ZNF438: variants seen among roughly 807,000 people sequenced by gnomAD.
ZNF438 encodes zinc finger protein 438.
A neutral mutation model predicts 38.0 loss-of-function variants in ZNF438; 25 were observed. The observed-to-expected ratio is 0.66, with a 90% CI of 0.48 to 0.92. The LOEUF is 0.92. Ranked by LOEUF, ZNF438 falls within the 40% of genes least tolerant of loss-of-function variation. The pLI is 0.00. For synonymous variants in ZNF438, 372 were observed against 364.1 expected (o/e 1.02, Z -0.25); for missense variants, 1,007 against 999.6 (o/e 1.01, Z -0.10).
chr10:30,941,108 G>A (rs2046775551), intron 2 of ZNF438, among the ~76,000 whole-genome samples: 1 of 138,178 alleles, frequency 7.2e-6, no homozygotes, highest in Non-Finnish European at 1.7e-5. Context: ...GTCTCGTTCT[G>A]TTGCCCAGGC....
chr10:30,854,206 G>A (rs1022652600), intron 4 of ZNF438, among the ~76,000 whole-genome samples: 1 of 152,100 alleles, frequency 6.6e-6, no homozygotes, highest in Non-Finnish European at 1.5e-5. Context: ...TGTAGTCCCA[G>A]CTACTCGGGA....
intron 1 of ZNF438, among the ~76,000 whole-genome samples, chr10:31,019,256 C>G (rs977928460): frequency 6.6e-6 from 1 of 152,220 alleles, no homozygotes; most frequent in African/African-American, 2.4e-5. Flanking sequence ...ACCGACAAGT[C>G]TTCACACAAT....
At chr10:30,891,206 C>T (rs949060543) in intron 3 of ZNF438, among the ~76,000 whole-genome samples, 1 of 152,154 alleles carries the variant, frequency 6.6e-6, no homozygotes, top group African/African-American at 2.4e-5. Flanking sequence ...AAGATTTCCT[C>T]ATTTACTTTG....
At chr10:30,973,464 T>C (rs1412945693) in intron 1 of ZNF438, among the ~76,000 whole-genome samples, 1 of 152,232 alleles carries the variant, frequency 6.6e-6, no homozygotes, top group African/African-American at 2.4e-5. Flanking sequence ...TCTGCATCCC[T>C]ACCAGAGCCT....
intron 3 of ZNF438, among the ~76,000 whole-genome samples, chr10:30,891,437 C>T (rs571299937): frequency 1.3e-5 from 2 of 152,090 alleles, no homozygotes; most frequent in East Asian, 3.9e-4. Flanking sequence ...CATTAATAAA[C>T]TTTTCCGTAA....
At chr10:30,986,161 A>C (rs2052762527) in intron 1 of ZNF438, among the ~76,000 whole-genome samples, 1 of 152,174 alleles carries the variant, frequency 6.6e-6, no homozygotes, top group Non-Finnish European at 1.5e-5. Flanking sequence ...TGACAAAATC[A>C]CCTAATGATA....
intron 1 of ZNF438, among the ~76,000 whole-genome samples, chr10:30,974,096 G>C (rs1406563304): frequency 6.6e-6 from 1 of 152,190 alleles, no homozygotes; most frequent in Non-Finnish European, 1.5e-5. Context: ...TCAATTTTGA[G>C]ACACACACAT....
intron 1 of ZNF438, among the ~76,000 whole-genome samples, chr10:30,988,416 G>C (rs565884260): frequency 2.6e-5 from 4 of 151,838 alleles, no homozygotes; most frequent in African/African-American, 9.6e-5. Flanking sequence ...TTTTTTTCCA[G>C]GAAAATACAG....
At chr10:30,976,670 G>C (rs2051391204) in intron 1 of ZNF438, among the ~76,000 whole-genome samples, 1 of 152,004 alleles carries the variant, frequency 6.6e-6, no homozygotes, top group South Asian at 2.1e-4. Flanking sequence ...CTAGAGATTG[G>C]AAGGTGCAAT....
intron 3 of ZNF438, among the ~76,000 whole-genome samples, chr10:30,892,407 A>G (rs1425393270): frequency 6.6e-6 from 1 of 152,208 alleles, no homozygotes; most frequent in Non-Finnish European, 1.5e-5. Flanking sequence ...TGTGGTCTCT[A>G]TCAAAACTCT....
intron 4 of ZNF438, among the ~76,000 whole-genome samples, chr10:30,873,196 C>T (rs1588922889): frequency 6.6e-6 from 1 of 152,136 alleles, no homozygotes; most frequent in East Asian, 1.9e-4. Context: ...TAAATTCTAT[C>T]CCTAAATCCT....
At chr10:30,854,753 C>G (rs2034324892) in intron 4 of ZNF438, among the ~76,000 whole-genome samples, 1 of 152,076 alleles carries the variant, frequency 6.6e-6, no homozygotes, top group Non-Finnish European at 1.5e-5. Flanking sequence ...AACAAGCAAG[C>G]TCTACAGAAA....
intron 1 of ZNF438, among the ~76,000 whole-genome samples, chr10:30,966,458 C>A (rs2050127653): frequency 1.3e-5 from 2 of 152,016 alleles, no homozygotes; most frequent in African/African-American, 4.8e-5. Flanking sequence ...ATCATGAGAT[C>A]AGGGGCTCAA....
At chr10:30,874,012 G>C (rs575483465) in intron 4 of ZNF438, among the ~76,000 whole-genome samples, 3 of 151,518 alleles carry the variant, frequency 2.0e-5, no homozygotes, top group Non-Finnish European at 2.9e-5. Context: ...TTAATAAATA[G>C]CATGTGCCCA....
At chr10:30,917,858 A>G (rs1174552487) in intron 2 of ZNF438, among the ~76,000 whole-genome samples, 1 of 152,110 alleles carries the variant, frequency 6.6e-6, no homozygotes, top group Non-Finnish European at 1.5e-5. Flanking sequence ...TGCTTTCTAC[A>G]TCCTAAGAAA....
chr10:30,940,464 G>A (rs1450945023), intron 2 of ZNF438, among the ~76,000 whole-genome samples: 1 of 152,226 alleles, frequency 6.6e-6, no homozygotes, highest in African/African-American at 2.4e-5. Flanking sequence ...AGGAAATAGT[G>A]TCAGGGCAGC....
At chr10:30,872,675 G>A (rs1233456000) in intron 4 of ZNF438, among the ~76,000 whole-genome samples, 1 of 149,672 alleles carries the variant, frequency 6.7e-6, no homozygotes, top group Admixed American at 6.7e-5. Context: ...GCATGAACCT[G>A]GGAGGCGGAG....
chr10:30,917,520 T>C (rs1315156671), intron 2 of ZNF438, among the ~76,000 whole-genome samples: 1 of 152,158 alleles, frequency 6.6e-6, no homozygotes, highest in Non-Finnish European at 1.5e-5. Flanking sequence ...GGGTTTCTCA[T>C]TCTCATTTTA....
chr10:30,937,177 C>A (rs763522403), intron 2 of ZNF438, among the ~76,000 whole-genome samples: 1 of 152,026 alleles, frequency 6.6e-6, no homozygotes, highest in Non-Finnish European at 1.5e-5. Context: ...AGGGGATGGG[C>A]CCAAATGGAG....
Sources: allele counts gnomAD v4.1 joint callset (sites outside exome capture counted in the v4.1 genomes callset), GRCh38; gene constraint gnomAD v4.1.1; transcripts MANE v1.5; gene names NCBI Gene and HGNC (gene_info 2026-07-23, HGNC 2026-07-21).